Variants in ARMH3 observed in about 807,000 individuals in gnomAD.
The protein encoded by ARMH3 is armadillo-like helical domain-containing protein 3.
Under a neutral mutation model 99.1 loss-of-function variants are expected in ARMH3, and 60 were observed. The observed-to-expected ratio is 0.61, with a 90% confidence interval of 0.49 to 0.75. ARMH3 has a LOEUF of 0.75. Among genes scored for constraint, ARMH3 ranks in the 30% least tolerant of loss-of-function variants. ARMH3 has a pLI of 0.00. For missense variants in ARMH3, 679 were observed against 843.1 expected, an observed-to-expected ratio of 0.81 and a Z score of 2.41; for synonymous variants, 285 against 292.8, an observed-to-expected ratio of 0.97 and a Z score of 0.27.
intron 23 of ARMH3, among the ~76,000 whole-genome samples, chr10:101,924,904 G>C (rs1427638810): frequency 1.3e-5 from 2 of 152,156 alleles, no homozygotes; most frequent in Non-Finnish European, 2.9e-5. Flanking sequence ...TGAGGCGGGA[G>C]GATTGCTTGA....
chr10:101,850,685 A>G (rs1245934659), intron 24 of ARMH3, among the ~76,000 whole-genome samples: 2 of 152,212 alleles, frequency 1.3e-5, no homozygotes, highest in Middle Eastern at 3.4e-3. Context: ...TTGACCTCCA[A>G]AAGTGCTGGG....
At chr10:101,874,563 G>A (rs905696320) in intron 24 of ARMH3, among the ~76,000 whole-genome samples, 5 of 152,252 alleles carry the variant, frequency 3.3e-5, no homozygotes, top group Non-Finnish European at 2.9e-5. Context: ...CTCAGCTGGG[G>A]ACTAGCTACA....
At chr10:101,915,231 G>A (rs1033897243) in intron 23 of ARMH3, among the ~76,000 whole-genome samples, 7 of 152,266 alleles carry the variant, frequency 4.6e-5, no homozygotes, top group East Asian at 1.9e-4. Context: ...ATGGGGTCTT[G>A]GTTGAGGGCC....
At chr10:102,051,137 G>A (rs1399915188) in intron 1 of ARMH3, among the ~76,000 whole-genome samples, 4 of 142,564 alleles carry the variant, frequency 2.8e-5, no homozygotes, top group Non-Finnish European at 4.5e-5. Flanking sequence ...CCTGCTGGGC[G>A]ACAGAGCAAG....
chr10:101,920,929 A>C (rs1311988714), intron 23 of ARMH3, among the ~76,000 whole-genome samples: 3 of 152,208 alleles, frequency 2.0e-5, no homozygotes, highest in Admixed American at 6.5e-5. Context: ...ACTATAAGGT[A>C]TCTAAAATAG....
intron 23 of ARMH3, among the ~76,000 whole-genome samples, chr10:101,935,719 A>G (rs1843938829): frequency 6.6e-6 from 1 of 152,190 alleles, no homozygotes; most frequent in Non-Finnish European, 1.5e-5. Context: ...AGAACATACT[A>G]CAGAAGAGGT....
At chr10:102,040,421 G>C (rs1448803469) in intron 1 of ARMH3, among the ~76,000 whole-genome samples, 2 of 152,126 alleles carry the variant, frequency 1.3e-5, no homozygotes, top group Non-Finnish European at 2.9e-5. Context: ...CCTAAAAACA[G>C]CTCTAAAAAA....
intron 20 of ARMH3, among the ~76,000 whole-genome samples, chr10:101,973,393 G>A (rs927181154): frequency 7.3e-5 from 11 of 150,586 alleles, no homozygotes; most frequent in African/African-American, 2.4e-4. Flanking sequence ...AAAGATAATC[G>A]CTTGTTTAAG....
intron 23 of ARMH3, among the ~76,000 whole-genome samples, chr10:101,906,032 GCA>G (rs1327938357): frequency 6.6e-6 from 1 of 152,002 alleles, no homozygotes; most frequent in African/African-American, 2.4e-5. Context: ...GTTACATTCT[GCA>G]CCTTACTTTT....
chr10:101,904,196 T>C (rs1305215343), intron 23 of ARMH3, among the ~76,000 whole-genome samples: 2 of 152,164 alleles, frequency 1.3e-5, no homozygotes, highest in Admixed American at 6.5e-5. Context: ...AGATTAATAA[T>C]ATACATTTGG....
At chr10:101,990,708 C>G in intron 18 of ARMH3, 97 bp from the exon 19 acceptor site, 3 of 857,448 alleles carry the variant, frequency 3.5e-6, no homozygotes, top group African/African-American at 1.7e-5. Context: ...CTTGCACTCA[C>G]ACTGAACGGC....
At chr10:101,849,734 G>A in intron 25 of ARMH3, 42 bp downstream of exon 25, 1 of 1,543,716 alleles carries the variant, frequency 6.5e-7, no homozygotes. Flanking sequence ...AGTGGCTGGG[G>A]GCGGGCCCCT....
intron 23 of ARMH3, among the ~76,000 whole-genome samples, chr10:101,916,085 G>A (rs1337957392): frequency 1.3e-5 from 2 of 152,132 alleles, no homozygotes; most frequent in African/African-American, 2.4e-5. Flanking sequence ...ATTACAGTGT[G>A]AGCCAGCACG....
intron 22 of ARMH3, 118 bp from the exon 23 acceptor site, chr10:101,940,056 T>C: frequency 1.4e-6 from 1 of 707,848 alleles, no homozygotes; most frequent in Non-Finnish European, 2.3e-6. Context: ...CCTGCGCCAA[T>C]CTTCTGTTAA....
chr10:101,996,921 A>G (rs1389955594), intron 15 of ARMH3, among the ~76,000 whole-genome samples: 4 of 152,160 alleles, frequency 2.6e-5, no homozygotes, highest in African/African-American at 7.2e-5. Context: ...TGACACCACC[A>G]AAGTCAGAAA....
chr10:102,046,913 T>C (rs1289187147), intron 1 of ARMH3, among the ~76,000 whole-genome samples: 1 of 152,222 alleles, frequency 6.6e-6, no homozygotes, highest in Non-Finnish European at 1.5e-5. Context: ...AATGTCTAGA[T>C]ATCTTGAGTA....
At chr10:101,873,562 C>T (rs751516525) in intron 24 of ARMH3, among the ~76,000 whole-genome samples, 4 of 152,090 alleles carry the variant, frequency 2.6e-5, no homozygotes, top group Admixed American at 1.3e-4. Flanking sequence ...CACACAGTTA[C>T]GTAACTATTA....
chr10:101,884,910 A>G (rs2067503635), intron 24 of ARMH3, among the ~76,000 whole-genome samples: 1 of 152,358 alleles, frequency 6.6e-6, no homozygotes, highest in East Asian at 1.9e-4. Flanking sequence ...TGCAGATCAG[A>G]TATCTAATGA....
intron 24 of ARMH3, among the ~76,000 whole-genome samples, chr10:101,861,528 T>G (rs1160809344): frequency 6.9e-6 from 1 of 144,540 alleles, no homozygotes; most frequent in Non-Finnish European, 1.5e-5. Context: ...GGCAGGAGTT[T>G]GAGACCAGCC....
Sources: allele counts gnomAD v4.1 joint callset (sites outside exome capture counted in the v4.1 genomes callset), GRCh38; gene constraint gnomAD v4.1.1; transcripts MANE v1.5; gene names NCBI Gene and HGNC (gene_info 2026-07-23, HGNC 2026-07-21).